Variants in WDR37 observed in about 807,000 individuals in gnomAD.
WDR37 encodes WD repeat domain 37.
A neutral mutation model predicts 62.9 loss-of-function variants in WDR37; 19 were observed. That is an observed-to-expected ratio of 0.30 (90% CI 0.21 to 0.44). The LOEUF is 0.44. Among genes scored for constraint, WDR37 ranks in the 20% least tolerant of loss-of-function variants. WDR37 has a pLI of 1.00. For missense variants in WDR37, 474 were observed against 657.6 expected (o/e 0.72, Z 3.05); for synonymous variants, 250 against 260.9 (o/e 0.96, Z 0.40).
chr10:1,128,757 C>T (rs944271414), intron 13 of WDR37, among the ~76,000 whole-genome samples: 2 of 152,134 alleles, frequency 1.3e-5, no homozygotes, highest in Non-Finnish European at 2.9e-5. Flanking sequence ...ACTGGTGTCT[C>T]GGCATCACTC....
Position 1,105,129 on chromosome 10 carries a change from A to G in WDR37, c.965A>G (p.His322Arg). The change falls in exon 11 of 14, where the codon CAC becomes CGC. Residue 322 changes from histidine (H) to arginine (R), a missense_variant. By Grantham distance (29) the His-to-Arg change is conservative (BLOSUM62 0). Transcript: ENST00000263150. The surrounding 1 kb of genome is among the most constrained non-coding windows in gnomAD (Gnocchi z 5.3). ...TGTTTTGCCATCTTGGTTACAGGGC[A>G]CGACCAGGAGTTGACGCACTGCTGC... is the stretch of plus-strand genomic sequence containing the variant. ...TSELVHSLTG[H>R]DQELTHCCTH... is the part of the protein sequence containing the mutation. The G allele has an allele frequency of 6.2e-7, 1 of 1,613,944 alleles. No homozygotes were observed. The highest frequency in any genetic ancestry group is 8.5e-7 in the Non-Finnish European group (1 of 1,179,886).
intron 2 of WDR37, among the ~76,000 whole-genome samples, chr10:1,073,974 G>C (rs960121467): frequency 6.6e-6 from 1 of 152,230 alleles, no homozygotes; most frequent in Non-Finnish European, 1.5e-5. Context: ...AGAGCTATGC[G>C]GCAGGACTCC....
intron 11 of WDR37, among the ~76,000 whole-genome samples, chr10:1,107,992 C>T (rs1835077934): frequency 6.6e-6 from 1 of 152,248 alleles, no homozygotes; most frequent in Admixed American, 6.5e-5. Context: ...TATTGCAGCA[C>T]TGCTGTCTCT....
chr10:1,060,852 T>C (rs180862115), intron 1 of WDR37, among the ~76,000 whole-genome samples: 1 of 152,138 alleles, frequency 6.6e-6, no homozygotes, highest in African/African-American at 2.4e-5. Context: ...ATAGATACCA[T>C]TGTGTTACAG....
chr10:1,074,606 G>A lies in WDR37; in HGVS notation c.138+2313G>A, dbSNP rs983049356. ...GCTCTGCCTTCCCCCTGCCGTGGGCGGGAGAGAGCTGTGGTGTCTGCCGCA... is the reference window on the plus strand; with the variant it reads ...GCTCTGCCTTCCCCCTGCCGTGGGCAGGAGAGAGCTGTGGTGTCTGCCGCA... On this transcript the variant is annotated intron_variant, in intron 2 of 13. Coordinates refer to ENST00000263150, the MANE Select transcript of WDR37 (RefSeq NM_014023.4). 12 of 1,084,686 alleles carry A rather than the reference G, an allele frequency of 1.1e-5. No homozygotes were observed. The East Asian group carries it at 1.8e-4, about 16-fold the overall frequency. The allele number at this position is 1,084,686 out of a possible 1,614,324, so 67.2% of individuals were successfully genotyped here.
chr10:1,092,658 C>T (rs866786456), intron 7 of WDR37, among the ~76,000 whole-genome samples: 2 of 151,084 alleles, frequency 1.3e-5, no homozygotes, highest in Non-Finnish European at 3.0e-5. Flanking sequence ...GCGTCTGGCC[C>T]GACCCTGTCT....
chr10:1,061,668 G>A (rs138509387), intron 1 of WDR37, among the ~76,000 whole-genome samples: 2,459 of 152,112 alleles, frequency 0.016, 70 homozygotes, highest in African/African-American at 0.056. Context: ...GTGAAACCCC[G>A]TCTCTCTTAA....
At position 1,129,501 on chromosome 10, in the gene WDR37, G is replaced by A. The variant is rs1589130789; in HGVS notation, c.*157G>A. On this transcript the variant is annotated 3_prime_UTR_variant, in exon 14 of 14. Transcript: ENST00000263150. Reference sequence around the variant, plus strand: ...ACATAGTGCCCAGCTTGCATGAAATGTACAGAGAAATGTGTGGTCGTATTT... The same window carrying A: ...ACATAGTGCCCAGCTTGCATGAAATATACAGAGAAATGTGTGGTCGTATTT... The A allele has an allele frequency of 3.5e-6, 4 of 1,141,908 alleles. No homozygotes were observed. In the East Asian group the frequency reaches 1.0e-4, roughly 29 times the overall value. The allele number at this position is 1,141,908 out of a possible 1,614,324, so 70.7% of individuals were successfully genotyped here. A position where few individuals can be genotyped will look rare whatever the true frequency, so the allele number is the denominator to read the frequency against.
In WDR37 at chr10:1,130,198, T is replaced by C. The variant is rs1407785233; in HGVS notation, c.*854T>C. ...GCCCAGTTAATTCTCCGCACCTCGG[T>C]TGTGTGCTTCCGAATGGGCTCACTC... On this transcript the variant is annotated 3_prime_UTR_variant, in exon 14 of 14. Transcript: ENST00000263150. 2 of 152,642 alleles carry C rather than the reference T, an allele frequency of 1.3e-5. No homozygotes were observed. Among genetic ancestry groups the C allele is most frequent in the Non-Finnish European group, 2.9e-5 (2 of 68,044 alleles). 9.5% of individuals were successfully genotyped at this position (152,642 alleles called of 1,614,324 possible).
chr10:1,114,620 C>T (rs1211183873), intron 11 of WDR37, among the ~76,000 whole-genome samples: 1 of 152,254 alleles, frequency 6.6e-6, no homozygotes, highest in Non-Finnish European at 1.5e-5. Context: ...TGTGATCCGC[C>T]TTACTGCGAT....
Position 1,132,062 on chromosome 10 carries a change from A to G in WDR37, c.*2718A>G, listed in dbSNP as rs572930846. 3.9e-5 allele frequency: 6 copies of G among 152,796 alleles called. No individual in the cohort carries two copies. Among genetic ancestry groups the G allele is most frequent in the African/African-American group, 1.4e-4 (6 of 41,590 alleles). 9.5% of individuals were successfully genotyped at this position (152,796 alleles called of 1,614,324 possible). A position where few individuals can be genotyped will look rare whatever the true frequency, so the allele number is the denominator to read the frequency against. ...AAATGTATGCATTTATAAGTGTTCC[A>G]TGGAATCAGTTTTTATTGTATCGAT... On this transcript the variant is annotated 3_prime_UTR_variant, in exon 14 of 14. Coordinates refer to ENST00000263150, the MANE Select transcript of WDR37 (RefSeq NM_014023.4).
intron 5 of WDR37, among the ~76,000 whole-genome samples, chr10:1,083,354 C>T (rs918519965): frequency 4.6e-5 from 7 of 152,090 alleles, no homozygotes; most frequent in South Asian, 2.1e-4. Flanking sequence ...TCACTGTATC[C>T]GAGGAGAATA....
intron 10 of WDR37, among the ~76,000 whole-genome samples, chr10:1,104,909 T>C (rs1458806412): frequency 2.0e-5 from 3 of 152,224 alleles, no homozygotes; most frequent in African/African-American, 7.2e-5. Context: ...GTTATGCACC[T>C]GTTTGGTTTT....
chr10:1,130,073 CTTTAA>C lies in WDR37; in HGVS notation c.*734_*738del, dbSNP rs1835920611. ...CAAATATTAAGCAAAATGTAAAGCACTTTAATTTATAGCTATGGTTATAAACAGGT... is the reference window on the plus strand; with the variant it reads ...CAAATATTAAGCAAAATGTAAAGCACTTTATAGCTATGGTTATAAACAGGT... On this transcript the variant is annotated 3_prime_UTR_variant, in exon 14 of 14. Coordinates refer to ENST00000263150, the MANE Select transcript of WDR37 (RefSeq NM_014023.4). 1 of 152,596 alleles carries C rather than the reference CTTTAA, an allele frequency of 6.6e-6. No individual in the cohort carries two copies. The highest frequency in any genetic ancestry group is 2.4e-5 in the African/African-American group (1 of 41,420). 9.5% of individuals were successfully genotyped at this position (152,596 alleles called of 1,614,324 possible).
Position 1,108,738 on chromosome 10 carries a change from T to TCCC in WDR37, c.1103+3471_1103+3472insCCC, listed in dbSNP as rs1491455688. Among the ~76,000 whole-genome samples the TCCC allele has an allele frequency of 3.5e-3, 206 of 59,628 alleles. 13 individuals are homozygous for TCCC. The highest frequency in any genetic ancestry group is 0.012 in the Middle Eastern group (1 of 82). 39.1% of individuals were successfully genotyped at this position (59,628 alleles called of 152,430 possible). ...GTTGCTTTGGTTTTGGCTTCTGTGA[T>TCCC]GCCCCCCCCCCCCGTGGAACCTGCA... is the stretch of plus-strand genomic sequence containing the variant. On this transcript the variant is annotated intron_variant, in intron 11 of 13. Transcript: ENST00000263150.
intron 9 of WDR37, among the ~76,000 whole-genome samples, chr10:1,098,729 T>C (rs971761736): frequency 3.3e-5 from 5 of 152,200 alleles, no homozygotes; most frequent in African/African-American, 4.8e-5. Context: ...GGTTGACACG[T>C]TGGTCATGGA....
chr10:1,089,643 GC>G (rs1834316842), intron 7 of WDR37, among the ~76,000 whole-genome samples: 2 of 29,380 alleles, frequency 6.8e-5, no homozygotes, highest in Non-Finnish European at 2.5e-4. Flanking sequence ...CCACAATTCA[GC>G]CTTCCCGTGC....
rs1318615532 is a variant in WDR37, at chr10:1,132,328, G to A, written c.*2984G>A. The stretch of plus-strand genomic sequence containing the variant: ...TTTTTAGACTTAAAAAGTCAGTTGT[G>A]TTTTGTGTCTGTCTCTTATGCTAAC... On this transcript the variant is annotated 3_prime_UTR_variant, in exon 14 of 14. Transcript: ENST00000263150. The A allele has an allele frequency of 6.6e-6, 1 of 152,116 alleles. No homozygotes were observed. The highest frequency in any genetic ancestry group is 1.5e-5 in the Non-Finnish European group (1 of 68,022). 9.4% of individuals were successfully genotyped at this position (152,116 alleles called of 1,614,324 possible). A position where few individuals can be genotyped will look rare whatever the true frequency, so the allele number is the denominator to read the frequency against.
At chr10:1,084,977 T>C (rs180871098) in intron 6 of WDR37, among the ~76,000 whole-genome samples, 1 of 152,390 alleles carries the variant, frequency 6.6e-6, no homozygotes, top group East Asian at 1.9e-4. Flanking sequence ...CTTTTTCTTA[T>C]TTGAGACGGA....
Sources: gnomAD v4.1 joint callset for allele counts (sites outside exome capture counted in the v4.1 genomes callset) on GRCh38, gnomAD v4.1.1 for gene constraint, Gnocchi (gnomAD v3.1) non-coding constraint, MANE v1.5 for transcripts, NCBI Gene and HGNC (gene_info 2026-07-23, HGNC 2026-07-21) for gene names.